The following LACTB variants were observed in gnomAD, a reference collection of about 807,000 sequenced individuals.
The protein encoded by LACTB is lactamase beta, also known as serine beta-lactamase-like protein LACTB, mitochondrial.
Under a neutral mutation model 50.2 loss-of-function variants are expected in LACTB, and 35 were observed. The observed-to-expected ratio is 0.70, with a 90% CI of 0.53 to 0.92. The LOEUF (loss-of-function observed/expected upper bound fraction) is 0.92, where lower values mean the gene tolerates loss of function less well. Among genes scored for constraint, LACTB ranks in the 40% least tolerant of loss-of-function variants. The probability of loss-of-function intolerance (pLI) is 0.00; values close to 1 mark genes in which losing one functional copy is unlikely to be tolerated. For synonymous variants in LACTB, 252 were observed against 268.2 expected (o/e 0.94, Z 0.59); for missense variants, 664 against 691.8 (o/e 0.96, Z 0.45).
intron 2 of LACTB, among the ~76,000 whole-genome samples, chr15:63,124,956 A>C (rs1220910181): frequency 1.6e-5 from 1 of 62,206 alleles, no homozygotes; most frequent in Non-Finnish European, 3.7e-5. Flanking sequence ...TGTCTCAAAA[A>C]AAAAGAAAAA....
At chr15:63,130,524 A>AAAAAAAAAAAAAAAAAAAAAAAAAC (rs2037119022) in intron 5 of LACTB, 1 of 148,430 alleles carries the variant, frequency 6.7e-6, no homozygotes. Context: ...GGAAAAAAAA[A>AAAAAAAAAAAAAAAAAAAAAAAAAC]AAAAAAAAAA....
intron 5 of LACTB, among the ~76,000 whole-genome samples, chr15:63,139,087 G>A (rs8039716): frequency 0.15 from 22,085 of 144,420 alleles, 2,190 homozygotes; most frequent in East Asian, 0.44. Context: ...AGTGGCTCAC[G>A]CCTATAATCC....
chr15:63,141,861 A>G lies in LACTB; in HGVS notation c.*56A>G. On this transcript the variant is annotated 3_prime_UTR_variant, in exon 6 of 6. Transcript: ENST00000261893. ...TGTTCTGAGGTTTTTTTGAAACATT[A>G]AAGTTCCAAAACATGACATTTTTAA... The G allele has an allele frequency of 7.1e-7, 1 of 1,415,314 alleles. No homozygotes were observed. The allele number at this position is 1,415,314 out of a possible 1,614,324, so 87.7% of individuals were successfully genotyped here.
chr15:63,122,447 C>A (rs1272893390), intron 1 of LACTB, 189 bp from the exon 2 acceptor site: 1 of 691,148 alleles, frequency 1.4e-6, no homozygotes. Context: ...CCGCCCCTTC[C>A]CCCTAGGGGG....
chr15:63,141,064 T>A (rs1055788549), intron 5 of LACTB: 1 of 984,292 alleles, frequency 1.0e-6, no homozygotes, highest in African/African-American at 1.7e-5. Flanking sequence ...CCACTTTCTA[T>A]GCTTTAATTC....
In LACTB at chr15:63,141,326, G is replaced by T; in HGVS notation, c.1165G>T (p.Val389Leu). The change falls in exon 6 of 6, where the codon GTG (valine) becomes TTG (leucine). Residue 389 changes from valine to leucine, a missense_variant. By Grantham distance (32) the Val-to-Leu change is conservative. Transcript: ENST00000261893. The stretch of plus-strand genomic sequence containing the variant: ...GAAACGTCTTGTCAACACACCTTAC[G>T]TGGATAACTCCTATAAATGGGCTGG... ...KKKRLVNTPYVDNSYKWAGGG... is the reference protein window; with the variant it reads ...KKKRLVNTPYLDNSYKWAGGG... The T allele has an allele frequency of 6.2e-7, 1 of 1,613,906 alleles. No individual in the cohort carries two copies. The highest frequency in any genetic ancestry group is 8.5e-7 in the Non-Finnish European group (1 of 1,179,894).
In LACTB at chr15:63,122,637, A is replaced by G; in HGVS notation, c.359A>G (p.Asp120Gly). The G allele has an allele frequency of 1.2e-6, 2 of 1,612,604 alleles. No homozygotes were observed. The highest frequency in any genetic ancestry group is 1.3e-5 in the African/African-American group (1 of 74,964). The change falls in exon 2 of 6, where the codon GAT becomes GGT. Residue 120 changes from aspartate to glycine, a missense_variant and splice_region_variant. Transcript: ENST00000261893. ...CGGTTCTTTCCCCTTCGGTCTTAGG[A>G]TGAGGTGGGCGCACCGGGCATAGTG... ...SSRDLLHRIKDEVGAPGIVVG... is the reference protein window; with the variant it reads ...SSRDLLHRIKGEVGAPGIVVG...
intron 5 of LACTB, among the ~76,000 whole-genome samples, chr15:63,138,564 T>TAA (rs1376772632): frequency 6.6e-6 from 1 of 152,196 alleles, no homozygotes; most frequent in African/African-American, 2.4e-5. Context: ...ATTATTTTCA[T>TAA]AAAAATGTAC....
intron 2 of LACTB, chr15:63,126,031 A>G (rs1383589925): frequency 6.6e-6 from 1 of 152,138 alleles, no homozygotes; most frequent in Non-Finnish European, 1.5e-5. Context: ...CTGTGAGAAC[A>G]TGGAAACCAA....
At chr15:63,122,581 C>G in intron 1 of LACTB, 55 bp from the exon 2 acceptor site, 4 of 1,384,776 alleles carry the variant, frequency 2.9e-6, no homozygotes, top group South Asian at 1.2e-5. Context: ...CCGAGGAGAG[C>G]GCTGGGCTTT....
intron 2 of LACTB, chr15:63,125,999 G>A (rs1051018763): frequency 6.6e-6 from 1 of 151,664 alleles, no homozygotes; most frequent in Non-Finnish European, 1.5e-5. Flanking sequence ...CTCTTTCTTA[G>A]TTAGATTTAC....
chr15:63,132,565 C>A (rs1176994287), intron 5 of LACTB, among the ~76,000 whole-genome samples: 1 of 152,118 alleles, frequency 6.6e-6, no homozygotes, highest in Non-Finnish European at 1.5e-5. Flanking sequence ...CACCTGTAAT[C>A]CCAGCACTTT....
intron 5 of LACTB, among the ~76,000 whole-genome samples, chr15:63,134,182 T>C (rs1197553146): frequency 6.6e-6 from 1 of 152,150 alleles, no homozygotes; most frequent in Non-Finnish European, 1.5e-5. Context: ...AATTATTGAG[T>C]TGGAAAATCA....
intron 2 of LACTB, among the ~76,000 whole-genome samples, chr15:63,123,452 C>T (rs942624224): frequency 2.0e-5 from 3 of 152,152 alleles, no homozygotes; most frequent in African/African-American, 7.2e-5. Flanking sequence ...CCCACAGGGT[C>T]GGTGGGTCTC....
In LACTB at chr15:63,121,865, A is replaced by G. The variant is rs376156181; in HGVS notation, c.-7A>G. ...AGTTTGGTGGCGGCCGGCTGTGCAG[A>G]GACGCCATGTACCGGCTCATGTCAG... On this transcript the variant is annotated 5_prime_UTR_variant, in exon 1 of 6. Transcript: ENST00000261893. 60 of 1,353,240 alleles carry G rather than the reference A, an allele frequency of 4.4e-5. No homozygotes were observed. The African/African-American group carries it at 7.4e-4, about 17-fold the overall frequency. 83.8% of individuals were successfully genotyped at this position (1,353,240 alleles called of 1,614,324 possible). A position where few individuals can be genotyped will look rare whatever the true frequency, so the allele number is the denominator to read the frequency against.
At chr15:63,138,206 G>A (rs536135094) in intron 5 of LACTB, among the ~76,000 whole-genome samples, 1 of 152,242 alleles carries the variant, frequency 6.6e-6, no homozygotes, top group African/African-American at 2.4e-5. Flanking sequence ...TGTGCCTGTA[G>A]TGCCAGCTAC....
At chr15:63,122,375 C>A in intron 1 of LACTB, 147 bp downstream of exon 1, 1 of 775,766 alleles carries the variant, frequency 1.3e-6, no homozygotes, top group Non-Finnish European at 2.0e-6. Context: ...ACCGCCGAGC[C>A]GTGGTCAGAC....
chr15:63,138,446 G>A (rs1251735027), intron 5 of LACTB, among the ~76,000 whole-genome samples: 1 of 152,160 alleles, frequency 6.6e-6, no homozygotes, highest in Non-Finnish European at 1.5e-5. Flanking sequence ...CCATCAGTTA[G>A]TTACAAAAAT....
At chr15:63,122,931 C>T (rs1304511808) in intron 2 of LACTB, among the ~76,000 whole-genome samples, 1 of 152,176 alleles carries the variant, frequency 6.6e-6, no homozygotes, top group Non-Finnish European at 1.5e-5. Context: ...CCACTTTTCT[C>T]TTAGGACTGG....
Sources: allele counts gnomAD v4.1 joint callset (sites outside exome capture counted in the v4.1 genomes callset), GRCh38; gene constraint gnomAD v4.1.1; transcripts MANE v1.5; gene names NCBI Gene and HGNC (gene_info 2026-07-23, HGNC 2026-07-21).